CFAP97D2: variants seen among roughly 807,000 people sequenced by gnomAD.
CFAP97D2 encodes the protein uncharacterized protein CFAP97D2.
chr13:114,204,059 TG>T (rs746232091), intron 3 of CFAP97D2, among the ~76,000 whole-genome samples: 27 of 152,288 alleles, frequency 1.8e-4, no homozygotes, highest in Admixed American at 3.3e-4. Flanking sequence ...GCCAGTGGCA[TG>T]GGGGTAATGA....
At chr13:114,213,571 C>G (rs141423979) in intron 4 of CFAP97D2, among the ~76,000 whole-genome samples, 6,047 of 142,710 alleles carry the variant, frequency 0.042, 344 homozygotes, top group African/African-American at 0.1. Context: ...CCTATGGAAA[C>G]TCCAGGACCA....
rs539375580 is a variant in CFAP97D2, at chr13:114,211,117, A to G, written c.291-795A>G. 6.6e-6 allele frequency among the ~76,000 whole-genome samples: 1 copy of G among 152,130 alleles called. No individual in the cohort carries two copies. The highest frequency in any genetic ancestry group is 1.5e-5 in the Non-Finnish European group (1 of 68,022). On this transcript the variant is annotated intron_variant, in intron 3 of 4. Transcript: ENST00000646158. The surrounding 1 kb of genome is among the most constrained non-coding windows in gnomAD (Gnocchi z 4.2). ...TTCCACAAATCTCCCTAGTTCACCA[A>G]ACTCTCAGCCCTAACCCTGGTGGGT...
intron 4 of CFAP97D2, chr13:114,212,153 G>C (rs572182019): frequency 7.5e-6 from 3 of 398,188 alleles, no homozygotes; most frequent in Non-Finnish European, 1.3e-5. Context: ...GAAATTTCCC[G>C]TTTTACTTCA....
intron 1 of CFAP97D2, among the ~76,000 whole-genome samples, chr13:114,181,043 A>T (rs2080830227): frequency 6.6e-6 from 1 of 152,204 alleles, no homozygotes. Flanking sequence ...GGGTCCAAGG[A>T]TGGAGTCATT....
intron 1 of CFAP97D2, among the ~76,000 whole-genome samples, chr13:114,182,592 G>T (rs968956009): frequency 6.6e-6 from 1 of 151,128 alleles, no homozygotes; most frequent in South Asian, 2.1e-4. Flanking sequence ...GCTTTCAAGG[G>T]CAGAGGTCCC....
chr13:114,216,444 C>T (rs982386132), intron 4 of CFAP97D2, among the ~76,000 whole-genome samples: 3 of 152,096 alleles, frequency 2.0e-5, no homozygotes, highest in Non-Finnish European at 4.4e-5. Flanking sequence ...TCCCCACTCC[C>T]CCCACCCCAC....
chr13:114,196,113 G>A (rs188035010), intron 1 of CFAP97D2, among the ~76,000 whole-genome samples: 56 of 149,578 alleles, frequency 3.7e-4, no homozygotes, highest in Admixed American at 6.0e-4. Flanking sequence ...TGGCAATAGA[G>A]TGCAGACTAG....
chr13:114,206,408 CT>C (rs2080940616), intron 3 of CFAP97D2, among the ~76,000 whole-genome samples: 1 of 152,114 alleles, frequency 6.6e-6, no homozygotes. Flanking sequence ...TGGCCAGTAG[CT>C]TTTTTTAAAT....
At chr13:114,182,528 C>T (rs113640173) in intron 1 of CFAP97D2, among the ~76,000 whole-genome samples, 4,190 of 148,080 alleles carry the variant, frequency 0.028, 117 homozygotes, top group Middle Eastern at 0.1. Context: ...CTTTCTCATC[C>T]CACGAGGCCG....
At chr13:114,190,909 G>A (rs1265833799) in intron 1 of CFAP97D2, among the ~76,000 whole-genome samples, 1 of 152,166 alleles carries the variant, frequency 6.6e-6, no homozygotes, top group Non-Finnish European at 1.5e-5. Context: ...ACACAGTGTG[G>A]TATTAATGAA....
At chr13:114,180,535 G>C (rs2080828489) in intron 1 of CFAP97D2, among the ~76,000 whole-genome samples, 1 of 152,120 alleles carries the variant, frequency 6.6e-6, no homozygotes, top group African/African-American at 2.4e-5. Flanking sequence ...GCCGCTCTCT[G>C]GTTCCTGGGC....
At chr13:114,184,430 T>A (rs182808563) in intron 1 of CFAP97D2, among the ~76,000 whole-genome samples, 141 of 152,300 alleles carry the variant, frequency 9.3e-4, no homozygotes, top group Admixed American at 2.0e-3. Flanking sequence ...AAACTACACC[T>A]AGGCATATCG....
chr13:114,199,414 C>G (rs373264344), intron 2 of CFAP97D2, among the ~76,000 whole-genome samples: 2 of 48,570 alleles, frequency 4.1e-5, no homozygotes, highest in Non-Finnish European at 3.8e-5. Context: ...CCCGCCGAGG[C>G]GTGACGGCGC....
In CFAP97D2 at chr13:114,185,264, G is replaced by C. The variant is rs1041352191; in HGVS notation, c.90+5844G>C. ...CAGTACCCGGAGCCCACCCCTGGGAGCCCCCTGGAACCTGTCACCCTAAGA... is the reference window on the plus strand; with the variant it reads ...CAGTACCCGGAGCCCACCCCTGGGACCCCCCTGGAACCTGTCACCCTAAGA... On this transcript the variant is annotated intron_variant, in intron 1 of 4. Transcript: ENST00000646158. This position sits in a 1 kb window ranked among gnomAD's most constrained non-coding sequence, Gnocchi z 5.2. 6.6e-6 allele frequency among the ~76,000 whole-genome samples: 1 copy of C among 152,202 alleles called. No homozygotes were observed. The highest frequency in any genetic ancestry group is 2.4e-5 in the African/African-American group (1 of 41,454).
At chr13:114,204,882 TA>T (rs535446559) in intron 3 of CFAP97D2, among the ~76,000 whole-genome samples, 5 of 151,690 alleles carry the variant, frequency 3.3e-5, no homozygotes, top group African/African-American at 1.2e-4. Flanking sequence ...ATCAAGAAAG[TA>T]AAAAAAACCC....
At chr13:114,215,562 G>T (rs2080989651) in intron 4 of CFAP97D2, 1 of 152,130 alleles carries the variant, frequency 6.6e-6, no homozygotes, top group Non-Finnish European at 1.5e-5. Context: ...AGTAAATATG[G>T]AACTTAATAA....
intron 1 of CFAP97D2, among the ~76,000 whole-genome samples, chr13:114,182,439 A>G (rs1007852167): frequency 9.9e-5 from 15 of 151,792 alleles, no homozygotes; most frequent in African/African-American, 1.5e-4. Context: ...CTCTATCTCA[A>G]CTGCAAGAGG....
At chr13:114,218,556 C>T (rs1461771128) in intron 4 of CFAP97D2, among the ~76,000 whole-genome samples, 3 of 152,102 alleles carry the variant, frequency 2.0e-5, no homozygotes, top group African/African-American at 7.2e-5. Flanking sequence ...CAAAAAAGAG[C>T]CCACATTGCA....
intron 1 of CFAP97D2, among the ~76,000 whole-genome samples, chr13:114,181,217 C>T (rs9525293): frequency 0.16 from 24,494 of 152,206 alleles, 2,208 homozygotes; most frequent in Non-Finnish European, 0.19. Flanking sequence ...AGTCACATAT[C>T]GTAAGGAACT....
Sources: allele counts gnomAD v4.1 joint callset (sites outside exome capture counted in the v4.1 genomes callset), GRCh38; gene constraint gnomAD v4.1.1; non-coding constraint Gnocchi (gnomAD v3.1); transcripts MANE v1.5; gene names NCBI Gene and HGNC (gene_info 2026-07-23, HGNC 2026-07-21).